CHD1L: variants seen among roughly 807,000 people sequenced by gnomAD.
CHD1L encodes chromodomain helicase DNA binding protein 1 like.
A neutral mutation model predicts 115.9 loss-of-function variants in CHD1L; 118 were observed. The observed-to-expected ratio is 1.02, with a 90% CI of 0.88 to 1.19. The LOEUF is 1.19. CHD1L is among the 50% of genes most tolerant of loss of function. The pLI is 0.00. For synonymous variants in CHD1L, 411 were observed against 387.1 expected, an observed-to-expected ratio of 1.06 and a Z score of -0.72; for missense variants, 1,179 against 1,065.3, an observed-to-expected ratio of 1.11 and a Z score of -1.49.
At chr1:147,235,195 C>T in the CHD1L span, among the ~76,000 whole-genome samples, 2 of 151,736 alleles carry the variant, frequency 1.3e-5, no homozygotes, top group African/African-American at 4.8e-5. Context: ...AACACTATGC[C>T]TGTAGACACC....
At chr1:147,272,473 G>T in intron 12 of CHD1L, 192 bp downstream of exon 12, 1 of 472,046 alleles carries the variant, frequency 2.1e-6, no homozygotes, top group Non-Finnish European at 3.7e-6. Context: ...TCTCAGCAAA[G>T]AAGTAAGGCT....
the CHD1L span, chr1:147,212,588 ATT>A: frequency 6.6e-7 from 1 of 1,524,614 alleles, no homozygotes; most frequent in Non-Finnish European, 8.9e-7. Context: ...GATAGATATC[ATT>A]TGTCAAGTCA....
the CHD1L span, among the ~76,000 whole-genome samples, chr1:147,176,565 A>G: frequency 6.6e-6 from 1 of 152,240 alleles, no homozygotes. Flanking sequence ...CTAGAGGAGC[A>G]CATGCTCTGG....
the CHD1L span, among the ~76,000 whole-genome samples, chr1:147,195,197 T>C: frequency 6.6e-6 from 1 of 152,132 alleles, no homozygotes; most frequent in African/African-American, 2.4e-5. Context: ...CTTGGATGCT[T>C]TGTTCGTTTC....
chr1:147,195,126 C>A, the CHD1L span, among the ~76,000 whole-genome samples: 1 of 152,108 alleles, frequency 6.6e-6, no homozygotes, highest in African/African-American at 2.4e-5. Flanking sequence ...TCCATTCTCC[C>A]CGTCACTTTC....
the CHD1L span, among the ~76,000 whole-genome samples, chr1:147,231,831 C>T: frequency 2.6e-5 from 4 of 152,152 alleles, no homozygotes; most frequent in South Asian, 2.1e-4. Flanking sequence ...CTGTCTGTCG[C>T]CCCTTTCTTT....
the CHD1L span, among the ~76,000 whole-genome samples, chr1:147,190,462 G>C: frequency 2.0e-5 from 3 of 152,016 alleles, no homozygotes; most frequent in Non-Finnish European, 4.4e-5. Flanking sequence ...TCTTTGGAAG[G>C]GATTTCCCCT....
intron 1 of CHD1L, among the ~76,000 whole-genome samples, chr1:147,243,618 C>A (rs1553932543): frequency 6.6e-6 from 1 of 152,118 alleles, no homozygotes; most frequent in Non-Finnish European, 1.5e-5. Context: ...CGCTGAACCG[C>A]CCCAGCCTCG....
At chr1:147,232,868 G>A in the CHD1L span, among the ~76,000 whole-genome samples, 7 of 152,278 alleles carry the variant, frequency 4.6e-5, no homozygotes, top group South Asian at 4.1e-4. Context: ...CCTCCCAGCC[G>A]CCTGCCTTGG....
At chr1:147,213,549 C>T in the CHD1L span, 42 of 1,250,912 alleles carry the variant, frequency 3.4e-5, 1 homozygote, top group South Asian at 7.0e-4. Flanking sequence ...GGGCTGATAT[C>T]ACAGACACTA....
At chr1:147,228,992 G>A in the CHD1L span, among the ~76,000 whole-genome samples, 2 of 152,136 alleles carry the variant, frequency 1.3e-5, no homozygotes, top group African/African-American at 4.8e-5. Context: ...TTCTTTTGCT[G>A]TGCAGAAGCT....
chr1:147,269,730 T>C (rs1571908288), intron 10 of CHD1L, among the ~76,000 whole-genome samples: 1 of 151,150 alleles, frequency 6.6e-6, no homozygotes, highest in Non-Finnish European at 1.5e-5. Context: ...GTTCAGCTTA[T>C]ACCTAATCCT....
At chr1:147,215,534 T>C in the CHD1L span, 1 of 491,170 alleles carries the variant, frequency 2.0e-6, no homozygotes, top group Non-Finnish European at 3.6e-6. Flanking sequence ...CTCTGCCAGC[T>C]GGCTTCCTGT....
At position 147,287,647 on chromosome 1, in the gene CHD1L, A is replaced by C; in HGVS notation, c.2234A>C (p.His745Pro). 6.2e-7 allele frequency: 1 copy of C among 1,613,814 alleles called. No homozygotes were observed. Among genetic ancestry groups the C allele is most frequent in the Non-Finnish European group, 8.5e-7 (1 of 1,179,828 alleles). Reference sequence around the variant, plus strand: ...TTTCTTCAAACAGATGACTCTGGCCACTGGGGCAGAGGTGGTTTATTTACA... The same window carrying C: ...TTTCTTCAAACAGATGACTCTGGCCCCTGGGGCAGAGGTGGTTTATTTACA... ...LIVHCVDDSGHWGRGGLFTAL... is the reference protein window; with the variant it reads ...LIVHCVDDSGPWGRGGLFTAL... The change falls in exon 19 of 23, where the codon CAC becomes CCC. Residue 745 changes from histidine (H) to proline (P), a missense_variant. By Grantham distance (77) the His-to-Pro change is moderately conservative. Transcript: ENST00000369258.
chr1:147,279,942 CGT>C, intron 14 of CHD1L, 82 bp from the exon 15 acceptor site: 1 of 1,414,078 alleles, frequency 7.1e-7, no homozygotes, highest in African/African-American at 1.4e-5. Flanking sequence ...TGCCTGGTGT[CGT>C]TAATCCACTT....
chr1:147,293,559 G>T (rs782331810), intron 20 of CHD1L, 49 bp from the exon 21 acceptor site: 1 of 1,515,194 alleles, frequency 6.6e-7, no homozygotes, highest in Non-Finnish European at 9.1e-7. Context: ...ACTTGGTTGA[G>T]TGTGGCTGTT....
chr1:147,264,328 T>C (rs920658700), intron 6 of CHD1L, 94 bp from the exon 7 acceptor site: 1 of 1,130,678 alleles, frequency 8.8e-7, no homozygotes, highest in South Asian at 1.6e-5. Flanking sequence ...CATTAAATCA[T>C]GCCTCTCTCT....
the CHD1L span, among the ~76,000 whole-genome samples, chr1:147,192,876 C>A: frequency 2.0e-5 from 3 of 152,026 alleles, no homozygotes; most frequent in Non-Finnish European, 4.4e-5. Flanking sequence ...TTGATCATGG[C>A]AGATAAGCTT....
At chr1:147,197,412 C>T in the CHD1L span, among the ~76,000 whole-genome samples, 6,297 of 152,112 alleles carry the variant, frequency 0.041, 325 homozygotes, top group East Asian at 0.17. Flanking sequence ...ACTTGTCTGT[C>T]TTTGATATGG....
Sources: gnomAD v4.1 joint callset for allele counts (sites outside exome capture counted in the v4.1 genomes callset) on GRCh38, gnomAD v4.1.1 for gene constraint, MANE v1.5 for transcripts, NCBI Gene and HGNC (gene_info 2026-07-23, HGNC 2026-07-21) for gene names.